MSC: variants seen among roughly 807,000 people sequenced by gnomAD.
The protein encoded by MSC is musculin, also known as activated B-cell factor 1, homolog of mouse musculin.
Under a neutral mutation model 14.4 loss-of-function variants are expected in MSC, and 16 were observed. The observed-to-expected ratio is 1.11, with a 90% confidence interval of 0.75 to 1.69. The LOEUF (loss-of-function observed/expected upper bound fraction) is 1.69. Ranked by LOEUF, MSC falls within the 40% of genes most tolerant of loss-of-function variation. The pLI, the probability that MSC is intolerant of heterozygous loss-of-function variation, is 0.00. For synonymous variants in MSC, 165 were observed against 128.5 expected (o/e 1.28, Z -1.92); for missense variants, 320 against 288.1 (o/e 1.11, Z -0.80).
rs897665471 is a variant in MSC, at chr8:71,842,454, G to T, written c.*207C>A. ...CTTTTTGGAGAGGCAAAACGTGGTCGCCCAGATCCGGCGCAGCTGTAGCCG... is the reference window on the plus strand; with the variant it reads ...CTTTTTGGAGAGGCAAAACGTGGTCTCCCAGATCCGGCGCAGCTGTAGCCG... On this transcript the variant is annotated 3_prime_UTR_variant, in exon 2 of 2. Coordinates refer to ENST00000325509, the MANE Select transcript of MSC (RefSeq NM_005098.4). 1.6e-5 allele frequency: 10 copies of T among 608,698 alleles called. No homozygotes were observed. In the African/African-American group the frequency reaches 1.8e-4, roughly 11 times the overall value. The allele number at this position is 608,698 out of a possible 1,614,324, so 37.7% of individuals were successfully genotyped here.
At position 71,843,676 on chromosome 8, in the gene MSC, T is replaced by C. The variant is rs774522163; in HGVS notation, c.503A>G (p.Tyr168Cys). The C allele has an allele frequency of 8.7e-6, 14 of 1,614,224 alleles. No individual in the cohort carries two copies. The Admixed American group carries it at 1.8e-4, about 21-fold the overall frequency. ...CACTGGGTGCACGTAGCCGTTCTCA[T>C]AGCGGTCCTCCTGCAACAGCTGCCG... The part of the protein sequence containing the change: ...HLRQLLQEDR[Y>C]ENGYVHPVNL... The change falls in exon 1 of 2, where the codon TAT becomes TGT. Residue 168 changes from tyrosine (Y) to cysteine (C), a missense_variant. Coordinates refer to ENST00000325509, the MANE Select transcript of MSC (RefSeq NM_005098.4).
Position 71,844,131 on chromosome 8 carries a change from C to A in MSC, c.48G>T (p.Gly16=). The change falls in exon 1 of 2, where the codon GGG becomes GGT. Residue 16 remains glycine, a synonymous_variant. Transcript: ENST00000325509. ...VSDPEEMELR[G]LQREYPVPAS... ...CGGGGACCGGGTACTCCCGCTGCAG[C>A]CCCCGAAGCTCCATCTCCTCCGGAT... 6.5e-7 allele frequency: 1 copy of A among 1,527,394 alleles called. No homozygotes were observed. Among genetic ancestry groups the A allele is most frequent in the Non-Finnish European group, 8.8e-7 (1 of 1,138,442 alleles). 94.6% of individuals were successfully genotyped at this position (1,527,394 alleles called of 1,614,324 possible).
At chr8:71,843,013 C>A (rs944738778) in intron 1 of MSC, 73 of 392,352 alleles carry the variant, frequency 1.9e-4, no homozygotes, top group South Asian at 4.8e-4. Context: ...GAGGTTCTGT[C>A]GTTTAGTTCC....
chr8:71,843,052 A>ACG (rs1384951674), intron 1 of MSC: 3 of 251,208 alleles, frequency 1.2e-5, no homozygotes, highest in South Asian at 4.1e-5. Flanking sequence ...ACACACACGC[A>ACG]CACACACACA....
chr8:71,843,777 C>G lies in MSC; in HGVS notation c.402G>C (p.Leu134=). The G allele has an allele frequency of 6.2e-7, 1 of 1,614,022 alleles. No individual in the cohort carries two copies. Among genetic ancestry groups the G allele is most frequent in the Non-Finnish European group, 8.5e-7 (1 of 1,180,014 alleles). The change falls in exon 1 of 2, where the codon CTG becomes CTC. Residue 134 remains leucine, a synonymous_variant. Transcript: ENST00000325509. ...GCTTAGTGTCGGGGGGCACCCAGGG[C>G]AGGCTGGTCTTGAGCCTGGAGAAGG... ...SKAFSRLKTS[L]PWVPPDTKLS... is the part of the protein sequence containing the mutation.
intron 1 of MSC, chr8:71,843,050 G>GCACACA (rs59293389): frequency 2.1e-4 from 36 of 168,608 alleles, no homozygotes; most frequent in East Asian, 4.3e-4. Context: ...ACACACACAC[G>GCACACA]CACACACACA....
Position 71,843,895 on chromosome 8 carries a change from A to C in MSC, c.284T>G (p.Leu95Arg), listed in dbSNP as rs1315362872. ...GSAGGGGKKP[L>R]PAKGSAAECK... ...CTCTGCGGCTGAGCCCTTGGCCGGGAGGGGCTTCTTGCCACCACCGCCCGC... is the reference window on the plus strand; with the variant it reads ...CTCTGCGGCTGAGCCCTTGGCCGGGCGGGGCTTCTTGCCACCACCGCCCGC... The change falls in exon 1 of 2, where the codon CTC becomes CGC. Residue 95 changes from leucine to arginine, a missense_variant. Leu to Arg is a moderately radical substitution (Grantham distance 102). Transcript: ENST00000325509. 1 of 1,599,756 alleles carries C rather than the reference A, an allele frequency of 6.3e-7. No individual in the cohort carries two copies. The highest frequency in any genetic ancestry group is 1.1e-5 in the South Asian group (1 of 89,710).
rs1377751588 is a variant in MSC, at chr8:71,844,301, C to T, written c.-123G>A. On this transcript the variant is annotated 5_prime_UTR_variant, in exon 1 of 2. Coordinates refer to ENST00000325509, the MANE Select transcript of MSC (RefSeq NM_005098.4). Reference sequence around the variant, plus strand: ...AGCGCTCCAAGGAAGACTAAAAACCCAGGCCGGGAAGCGCGGGGTGAGAAA... The same window carrying T: ...AGCGCTCCAAGGAAGACTAAAAACCTAGGCCGGGAAGCGCGGGGTGAGAAA... The T allele has an allele frequency of 1.4e-6, 2 of 1,418,380 alleles. No individual in the cohort carries two copies. The highest frequency in any genetic ancestry group is 1.2e-5 in the South Asian group (1 of 82,582). The allele number at this position is 1,418,380 out of a possible 1,614,324, so 87.9% of individuals were successfully genotyped here. A position where few individuals can be genotyped will look rare whatever the true frequency, so the allele number is the denominator to read the frequency against.
In MSC at chr8:71,844,110, G is replaced by A. The variant is rs780202051; in HGVS notation, c.69C>T (p.Val23=). 6 of 1,523,226 alleles carry A rather than the reference G, an allele frequency of 3.9e-6. No individual in the cohort carries two copies. Among genetic ancestry groups the A allele is most frequent in the African/African-American group, 1.4e-5 (1 of 72,236 alleles). 94.4% of individuals were successfully genotyped at this position (1,523,226 alleles called of 1,614,324 possible). ...ELRGLQREYP[V]PASKRPPLRG... is the part of the protein sequence containing the mutation. ...GGAGGGGCGGCCTCTTGGAGGCGGG[G>A]ACCGGGTACTCCCGCTGCAGCCCCC... is the stretch of plus-strand genomic sequence containing the variant. Residue 23 remains valine, a synonymous_variant, in exon 1 of 2, where the codon GTC becomes GTT. Coordinates refer to ENST00000325509, the MANE Select transcript of MSC (RefSeq NM_005098.4).
chr8:71,843,932 C>A lies in MSC; in HGVS notation c.247G>T (p.Ala83Ser). ...KRPRVAGGGG[A>S]GGSAGGGGKK... ...CCACCACCGCCCGCGCTACCACCTG[C>A]GCCGCCGCCCCCAGCCACACGGGGC... Residue 83 changes from alanine (A) to serine (S), a missense_variant, in exon 1 of 2, where the codon GCA becomes TCA. Transcript: ENST00000325509. 1.9e-6 allele frequency: 3 copies of A among 1,565,566 alleles called. No homozygotes were observed. Among genetic ancestry groups the A allele is most frequent in the Non-Finnish European group, 2.6e-6 (3 of 1,157,726 alleles).
In MSC at chr8:71,842,604, T is replaced by G. The variant is rs1807406654; in HGVS notation, c.*57A>C. 2 of 1,519,972 alleles carry G rather than the reference T, an allele frequency of 1.3e-6. No individual in the cohort carries two copies. The highest frequency in any genetic ancestry group is 1.8e-6 in the Non-Finnish European group (2 of 1,094,714). 94.2% of individuals were successfully genotyped at this position (1,519,972 alleles called of 1,614,324 possible). ...TCTCACGAGCTCTCCCTTCTCTCCG[T>G]GGCCCCCAAACACTCGCATTTAACG... On this transcript the variant is annotated 3_prime_UTR_variant, in exon 2 of 2. Transcript: ENST00000325509.
chr8:71,843,768 C>A lies in MSC; in HGVS notation c.411G>T (p.Val137=). 3 of 1,614,042 alleles carry A rather than the reference C, an allele frequency of 1.9e-6. No homozygotes were observed. The highest frequency in any genetic ancestry group is 2.5e-6 in the Non-Finnish European group (3 of 1,180,034). Residue 137 remains valine, a synonymous_variant, in exon 1 of 2, where the codon GTG becomes GTT. Transcript: ENST00000325509. ...GCTTGGAGAGCTTAGTGTCGGGGGG[C>A]ACCCAGGGCAGGCTGGTCTTGAGCC... ...FSRLKTSLPW[V]PPDTKLSKLD...
At position 71,843,777 on chromosome 8, in the gene MSC, C is replaced by A. The variant is rs1807444238; in HGVS notation, c.402G>T (p.Leu134=). 1 of 1,614,022 alleles carries A rather than the reference C, an allele frequency of 6.2e-7. No individual in the cohort carries two copies. Among genetic ancestry groups the A allele is most frequent in the South Asian group, 1.1e-5 (1 of 91,088 alleles). ...SKAFSRLKTS[L]PWVPPDTKLS... The stretch of plus-strand genomic sequence containing the variant: ...GCTTAGTGTCGGGGGGCACCCAGGG[C>A]AGGCTGGTCTTGAGCCTGGAGAAGG... The change falls in exon 1 of 2, where the codon CTG becomes CTT. Residue 134 remains leucine, a synonymous_variant. Coordinates refer to ENST00000325509, the MANE Select transcript of MSC (RefSeq NM_005098.4).
rs779258653 is a variant in MSC at position 71,844,318 on chromosome 8, G to A, written c.-140C>T. On this transcript the variant is annotated 5_prime_UTR_variant, in exon 1 of 2. Coordinates refer to ENST00000325509, the MANE Select transcript of MSC (RefSeq NM_005098.4). ...TAAAAACCCAGGCCGGGAAGCGCGG[G>A]GTGAGAAAGCGAGGTGGGTGGCGAG... 2.1e-5 allele frequency: 27 copies of A among 1,272,968 alleles called. No individual in the cohort carries two copies. Among genetic ancestry groups the A allele is most frequent in the Middle Eastern group, 1.8e-4 (1 of 5,498 alleles). 78.9% of individuals were successfully genotyped at this position (1,272,968 alleles called of 1,614,324 possible). A position where few individuals can be genotyped will look rare whatever the true frequency, so the allele number is the denominator to read the frequency against.
At position 71,844,168 on chromosome 8, in the gene MSC, C is replaced by G. The variant is rs760233781; in HGVS notation, c.11G>C (p.Gly4Ala). The G allele has an allele frequency of 6.4e-7, 1 of 1,560,970 alleles. No individual in the cohort carries two copies. Among genetic ancestry groups the G allele is most frequent in the Middle Eastern group, 1.7e-4 (1 of 5,786 alleles). ...CATCTCCTCCGGATCACTCACCGAGCCCGTGGACATCCCGTTGTCCCCCTT... is the reference window on the plus strand; with the variant it reads ...CATCTCCTCCGGATCACTCACCGAGGCCGTGGACATCCCGTTGTCCCCCTT... Reference protein sequence around the residue: MSTGSVSDPEEMEL... With the variant: MSTASVSDPEEMEL... The change falls in exon 1 of 2, where the codon GGC becomes GCC. Residue 4 changes from glycine (G) to alanine (A), a missense_variant. Transcript: ENST00000325509.
chr8:71,843,423 T>A, intron 1 of MSC: 1 of 672,078 alleles, frequency 1.5e-6, no homozygotes, highest in Non-Finnish European at 2.7e-6. Flanking sequence ...TGGGGTACAA[T>A]GTTCAGAACG....
Position 71,842,606 on chromosome 8 carries a change from G to T in MSC, c.*55C>A. On this transcript the variant is annotated 3_prime_UTR_variant, in exon 2 of 2. Coordinates refer to ENST00000325509, the MANE Select transcript of MSC (RefSeq NM_005098.4). The stretch of plus-strand genomic sequence containing the variant: ...TCACGAGCTCTCCCTTCTCTCCGTG[G>T]CCCCCAAACACTCGCATTTAACGAA... 2.0e-6 allele frequency: 3 copies of T among 1,521,864 alleles called. No individual in the cohort carries two copies. Among genetic ancestry groups the T allele is most frequent in the East Asian group, 2.3e-5 (1 of 44,358 alleles). The allele number at this position is 1,521,864 out of a possible 1,614,324, so 94.3% of individuals were successfully genotyped here. A position where few individuals can be genotyped will look rare whatever the true frequency, so the allele number is the denominator to read the frequency against.
chr8:71,842,621 C>T lies in MSC; in HGVS notation c.*40G>A, dbSNP rs750348703. On this transcript the variant is annotated 3_prime_UTR_variant, in exon 2 of 2. Coordinates refer to ENST00000325509, the MANE Select transcript of MSC (RefSeq NM_005098.4). The stretch of plus-strand genomic sequence containing the variant: ...TCTCTCCGTGGCCCCCAAACACTCG[C>T]ATTTAACGAATAATCCCATCAAGTG... The T allele has an allele frequency of 2.5e-6, 4 of 1,592,796 alleles. No individual in the cohort carries two copies. In the South Asian group the frequency reaches 3.3e-5, roughly 13 times the overall value.
In MSC at chr8:71,844,211, T is replaced by C. The variant is rs1316088901; in HGVS notation, c.-33A>G. On this transcript the variant is annotated 5_prime_UTR_variant, in exon 1 of 2. Coordinates refer to ENST00000325509, the MANE Select transcript of MSC (RefSeq NM_005098.4). ...TCCCCCTTGCCCACACGCGTCCTCT[T>C]TCCTCCCCCCTGGCCAGTCTCGCTG... The C allele has an allele frequency of 1.9e-6, 3 of 1,600,546 alleles. No individual in the cohort carries two copies. In the Admixed American group the frequency reaches 5.1e-5, roughly 27 times the overall value.
Sources: allele counts gnomAD v4.1 joint callset, GRCh38; gene constraint gnomAD v4.1.1; transcripts MANE v1.5; gene names NCBI Gene and HGNC (gene_info 2026-07-23, HGNC 2026-07-21).